Variants in SLC9C1 observed in about 807,000 individuals in gnomAD.
SLC9C1 encodes sodium/hydrogen exchanger 10.
In SLC9C1, 97 loss-of-function variants were observed where a neutral mutation model predicts 140.9. That is an observed-to-expected ratio of 0.69 (90% confidence interval 0.58 to 0.82). The LOEUF (loss-of-function observed/expected upper bound fraction) is 0.82, where lower values mean the gene tolerates loss of function less well. Ranked by LOEUF, SLC9C1 falls within the 40% of genes least tolerant of loss-of-function variation. The probability of loss-of-function intolerance (pLI) is 0.00; values close to 1 mark genes in which losing one functional copy is unlikely to be tolerated. For missense variants in SLC9C1, 1,340 were observed against 1,389.3 expected (o/e 0.96, Z 0.56); for synonymous variants, 440 against 442.6 (o/e 0.99, Z 0.07).
intron 13 of SLC9C1, among the ~76,000 whole-genome samples, chr3:112,229,108 T>C (rs562371333): frequency 3.9e-5 from 6 of 152,068 alleles, no homozygotes; most frequent in Admixed American, 6.6e-5. Context: ...CACTCATATA[T>C]GGAAGCTATA....
intron 15 of SLC9C1, among the ~76,000 whole-genome samples, chr3:112,211,348 TGGACAGTGGGTGCA>T (rs887793742): frequency 3.3e-5 from 5 of 152,010 alleles, no homozygotes; most frequent in African/African-American, 1.2e-4. Context: ...TGGGGCTTGT[TGGACAGTGGGTGCA>T]GGACAGTGGG....
chr3:112,289,687 TATTAG>T (rs2080621792), intron 1 of SLC9C1, among the ~76,000 whole-genome samples: 1 of 152,182 alleles, frequency 6.6e-6, no homozygotes, highest in Non-Finnish European at 1.5e-5. Flanking sequence ...TATCTCTGAG[TATTAG>T]ATCACTTCCT....
chr3:112,179,722 A>G (rs767575585), intron 22 of SLC9C1, 21 bp from the exon 23 acceptor site: 1 of 1,557,780 alleles, frequency 6.4e-7, no homozygotes, highest in African/African-American at 1.4e-5. Context: ...ACAAAGAAAG[A>G]GAAAAATACA....
intron 15 of SLC9C1, among the ~76,000 whole-genome samples, 157 bp downstream of exon 15, chr3:112,217,285 C>T (rs981768381): frequency 9.2e-5 from 14 of 152,146 alleles, no homozygotes; most frequent in Admixed American, 9.2e-4. Flanking sequence ...AGCACACCAA[C>T]GTGTCACATG....
intron 1 of SLC9C1, among the ~76,000 whole-genome samples, chr3:112,288,362 G>A (rs573632590): frequency 3.7e-4 from 57 of 152,122 alleles, no homozygotes; most frequent in Non-Finnish European, 6.8e-4. Flanking sequence ...ATCCTTTTAC[G>A]ATTAAATTTT....
At chr3:112,260,222 A>C (rs567129985) in intron 10 of SLC9C1, among the ~76,000 whole-genome samples, 1 of 152,220 alleles carries the variant, frequency 6.6e-6, no homozygotes, top group South Asian at 2.1e-4. Flanking sequence ...TCTTCTGCAC[A>C]GTCCAATCTG....
intron 26 of SLC9C1, among the ~76,000 whole-genome samples, chr3:112,166,248 C>T (rs1307421286): frequency 1.3e-5 from 2 of 152,250 alleles, no homozygotes; most frequent in Non-Finnish European, 1.5e-5. Flanking sequence ...CCTGCTTCAG[C>T]TCACACTTGG....
At chr3:112,210,813 T>G (rs561191576) in intron 15 of SLC9C1, among the ~76,000 whole-genome samples, 11 of 152,278 alleles carry the variant, frequency 7.2e-5, no homozygotes, top group African/African-American at 2.6e-4. Context: ...TCCTCTGAGG[T>G]GGCTACCACC....
At chr3:112,269,087 A>C (rs1576487913) in intron 7 of SLC9C1, among the ~76,000 whole-genome samples, 1 of 152,318 alleles carries the variant, frequency 6.6e-6, no homozygotes, top group Middle Eastern at 3.4e-3. Context: ...CCAAGACAAA[A>C]TATCTAATTT....
intron 17 of SLC9C1, 127 bp from the exon 18 acceptor site, chr3:112,202,526 T>C: frequency 1.2e-6 from 1 of 860,920 alleles, no homozygotes; most frequent in Non-Finnish European, 1.7e-6. Flanking sequence ...CAATAACCTG[T>C]CAAGGTTCTT....
chr3:112,231,516 AATAC>A, intron 12 of SLC9C1, 30 bp from the exon 13 acceptor site: 1 of 1,565,388 alleles, frequency 6.4e-7, no homozygotes, highest in Non-Finnish European at 8.7e-7. Context: ...AAGAACAAAA[AATAC>A]ATGAATATTA....
intron 10 of SLC9C1, among the ~76,000 whole-genome samples, chr3:112,254,165 T>C (rs2079540788): frequency 6.6e-6 from 1 of 152,118 alleles, no homozygotes; most frequent in East Asian, 1.9e-4. Context: ...AAACACATAT[T>C]TCAGAAAATT....
rs200437815 is a variant in SLC9C1, at chr3:112,183,349, C to CTTTTTTTTTTTTTTTTTTTTT, written c.2524-1112_2524-1092dup. 5.4e-3 allele frequency among the ~76,000 whole-genome samples: 512 copies of CTTTTTTTTTTTTTTTTTTTTT among 95,250 alleles called. 83 individuals carry two copies. The highest frequency in any genetic ancestry group is 0.012 in the African/African-American group (251 of 20,328). 62.5% of individuals were successfully genotyped at this position (95,250 alleles called of 152,430 possible). On this transcript the variant is annotated intron_variant, in intron 20 of 28. Coordinates refer to ENST00000305815, the MANE Select transcript of SLC9C1 (RefSeq NM_183061.3). ...ACGACAATGATATTTAGCACCTTTTCTTTTTTTTTTTTTTTTTTTTTCAGC... is the reference window on the plus strand; with the variant it reads ...ACGACAATGATATTTAGCACCTTTTCTTTTTTTTTTTTTTTTTTTTTTTTTTTTTTTTTTTTTTTTTTCAGC...
Position 112,278,780 on chromosome 3 carries a change from A to G in SLC9C1, c.267T>C (p.Phe89=). 1 of 1,610,944 alleles carries G rather than the reference A, an allele frequency of 6.2e-7. No homozygotes were observed. Among genetic ancestry groups the G allele is most frequent in the Non-Finnish European group, 8.5e-7 (1 of 1,178,666 alleles). The change falls in exon 4 of 29, where the codon TTT becomes TTC. Residue 89 remains phenylalanine (F), a synonymous_variant. Coordinates refer to ENST00000305815, the MANE Select transcript of SLC9C1 (RefSeq NM_183061.3). ...FFRIFTPVVF[F]TTAFDMDTYM... is the part of the protein sequence containing the mutation. ...ACGTATCCATGTCAAATGCAGTAGT[A>G]AAGAAAACTACTGGTGTAAATATAC...
chr3:112,167,495 A>C (rs2077161713), intron 25 of SLC9C1, 148 bp from the exon 26 acceptor site: 1 of 752,386 alleles, frequency 1.3e-6, no homozygotes, highest in African/African-American at 1.8e-5. Context: ...TTAATATCTT[A>C]AAATACTTGG....
At chr3:112,173,724 A>G (rs2077287541) in intron 23 of SLC9C1, among the ~76,000 whole-genome samples, 1 of 152,210 alleles carries the variant, frequency 6.6e-6, no homozygotes, top group Non-Finnish European at 1.5e-5. Flanking sequence ...GCTGTTGTGA[A>G]TAGTGCTGCA....
chr3:112,267,163 C>A (rs899595987), intron 7 of SLC9C1, among the ~76,000 whole-genome samples: 4 of 152,056 alleles, frequency 2.6e-5, no homozygotes. Context: ...CCTGTAGTAC[C>A]AGCTACTTAG....
chr3:112,146,925 T>A (rs572773066), intron 28 of SLC9C1, among the ~76,000 whole-genome samples: 2 of 152,334 alleles, frequency 1.3e-5, no homozygotes, highest in South Asian at 4.1e-4. Flanking sequence ...ATTGTATGAC[T>A]ATCTAAGCCT....
chr3:112,276,397 T>G (rs1486940417), intron 5 of SLC9C1, among the ~76,000 whole-genome samples: 2 of 151,502 alleles, frequency 1.3e-5, no homozygotes, highest in Non-Finnish European at 2.9e-5. Flanking sequence ...TATATATATA[T>G]GCATATACAC....
Sources: gnomAD v4.1 joint callset for allele counts (sites outside exome capture counted in the v4.1 genomes callset) on GRCh38, gnomAD v4.1.1 for gene constraint, MANE v1.5 for transcripts, NCBI Gene and HGNC (gene_info 2026-07-23, HGNC 2026-07-21) for gene names.